The following ZNF679 variants were observed in gnomAD, a reference collection of about 807,000 sequenced individuals.
ZNF679 encodes the protein zinc finger protein 679, also known as hypothetical protein MGC42415.
In ZNF679, 10 loss-of-function variants were observed where a neutral mutation model predicts 13.4. The ratio of observed to expected loss-of-function variants is 0.75; its 90% CI spans 0.46 to 1.27. The LOEUF is 1.27. Ranked by LOEUF, ZNF679 falls within the 50% of genes most tolerant of loss-of-function variation. The pLI is 0.00. For synonymous variants in ZNF679, 179 were observed against 162.5 expected (o/e 1.10, Z -0.77); for missense variants, 525 against 477.8 (o/e 1.10, Z -0.92).
intron 1 of ZNF679, among the ~76,000 whole-genome samples, chr7:64,247,595 C>G (rs780149703): frequency 6.6e-6 from 1 of 152,164 alleles, no homozygotes; most frequent in Admixed American, 6.5e-5. Flanking sequence ...CGCTCTGTCA[C>G]CAGGCTATAT....
chr7:64,245,208 T>G (rs1787850695), intron 1 of ZNF679, among the ~76,000 whole-genome samples: 1 of 152,126 alleles, frequency 6.6e-6, no homozygotes, highest in Non-Finnish European at 1.5e-5. Context: ...GTATTTTTAG[T>G]AGAGACAAGG....
rs186816308 is a variant in ZNF679 at position 64,246,795 on chromosome 7, G to A, written c.-90-2233G>A. On this transcript the variant is annotated intron_variant, in intron 1 of 4. Transcript: ENST00000421025. ...GGAGGGAAGGAAGGAAGGAAGGGAG[G>A]GATTTTGGGCGAGTCTGCAGTGCAA... is the stretch of plus-strand genomic sequence containing the variant. Among the ~76,000 whole-genome samples the A allele has an allele frequency of 5.8e-4, 87 of 151,116 alleles. 1 individual carries two copies. In the South Asian group the frequency reaches 9.9e-3, roughly 17 times the overall value.
At chr7:64,248,204 C>T (rs1256709203) in intron 1 of ZNF679, among the ~76,000 whole-genome samples, 1 of 152,042 alleles carries the variant, frequency 6.6e-6, no homozygotes, top group Non-Finnish European at 1.5e-5. Flanking sequence ...CCCTTACTAT[C>T]ACAAGAACAG....
intron 1 of ZNF679, among the ~76,000 whole-genome samples, chr7:64,248,294 T>C (rs1484727645): frequency 6.6e-6 from 1 of 152,062 alleles, no homozygotes. Flanking sequence ...CAATTTTTTT[T>C]TTTTTTGAGA....
At chr7:64,248,069 TC>T (rs1230895800) in intron 1 of ZNF679, among the ~76,000 whole-genome samples, 1 of 152,004 alleles carries the variant, frequency 6.6e-6, no homozygotes, top group African/African-American at 2.4e-5. Context: ...GGCTGAGGAA[TC>T]CTCAGGAAAC....
At chr7:64,241,513 A>G (rs757289079) in intron 1 of ZNF679, among the ~76,000 whole-genome samples, 6 of 152,264 alleles carry the variant, frequency 3.9e-5, no homozygotes, top group Admixed American at 6.5e-5. Flanking sequence ...AAGGCAGTAC[A>G]GTTACATCAC....
chr7:64,240,675 A>T (rs1254978769), intron 1 of ZNF679, among the ~76,000 whole-genome samples: 1 of 152,212 alleles, frequency 6.6e-6, no homozygotes, highest in Admixed American at 6.5e-5. Context: ...TCATATGTAG[A>T]TGCAGCCACA....
At chr7:64,245,857 T>G (rs1399832339) in intron 1 of ZNF679, among the ~76,000 whole-genome samples, 4 of 152,026 alleles carry the variant, frequency 2.6e-5, no homozygotes, top group South Asian at 4.2e-4. Flanking sequence ...AGTACAAAAA[T>G]TATCTGGGTG....
intron 1 of ZNF679, among the ~76,000 whole-genome samples, chr7:64,240,066 A>G (rs968265565): frequency 7.2e-5 from 11 of 152,194 alleles, no homozygotes; most frequent in Admixed American, 4.6e-4. Context: ...CTCCCTGGTC[A>G]TGGAACTGTA....
At chr7:64,241,726 C>T (rs113627998) in intron 1 of ZNF679, among the ~76,000 whole-genome samples, 2,211 of 152,206 alleles carry the variant, frequency 0.015, 53 homozygotes, top group African/African-American at 0.05. Context: ...GGACCCAGGC[C>T]GAAAAAGAGA....
intron 4 of ZNF679, among the ~76,000 whole-genome samples, chr7:64,263,596 A>G (rs1788106024): frequency 6.6e-6 from 1 of 152,092 alleles, no homozygotes; most frequent in African/African-American, 2.4e-5. Flanking sequence ...ACTTGGTACA[A>G]TCCCCTTGGT....
chr7:64,234,281 G>C (rs1457014210), intron 1 of ZNF679, among the ~76,000 whole-genome samples: 1 of 152,172 alleles, frequency 6.6e-6, no homozygotes, highest in Non-Finnish European at 1.5e-5. Context: ...TAACAAATGT[G>C]TGCACTCAAA....
At chr7:64,258,541 A>C (rs780081491) in intron 2 of ZNF679, among the ~76,000 whole-genome samples, 1 of 151,982 alleles carries the variant, frequency 6.6e-6, no homozygotes, top group Non-Finnish European at 1.5e-5. Flanking sequence ...TCTCTATTAA[A>C]AATACAAAAA....
At chr7:64,255,721 G>A (rs1200930147) in intron 2 of ZNF679, among the ~76,000 whole-genome samples, 6 of 151,636 alleles carry the variant, frequency 4.0e-5, no homozygotes, top group Non-Finnish European at 8.8e-5. Context: ...AGACTCTCCC[G>A]CCTCAGCCTC....
At chr7:64,238,202 T>C (rs535015910) in intron 1 of ZNF679, among the ~76,000 whole-genome samples, 2 of 152,298 alleles carry the variant, frequency 1.3e-5, no homozygotes, top group East Asian at 3.9e-4. Context: ...CTCCTCTTCA[T>C]GTCCCTCCCA....
intron 2 of ZNF679, among the ~76,000 whole-genome samples, chr7:64,256,619 TTTC>T (rs374378899): frequency 5.9e-5 from 9 of 152,232 alleles, no homozygotes; most frequent in African/African-American, 1.7e-4. Flanking sequence ...ATTTGAATTA[TTTC>T]TTTTTTCTTC....
chr7:64,233,303 C>T (rs889498077), intron 1 of ZNF679, among the ~76,000 whole-genome samples: 18 of 149,592 alleles, frequency 1.2e-4, no homozygotes, highest in Admixed American at 8.0e-4. Context: ...CCAGCTTGGG[C>T]AACACGGGGA....
chr7:64,236,966 A>AAAGAAAGAAAGAAAGAAAG (rs1787730936), intron 1 of ZNF679, among the ~76,000 whole-genome samples: 1 of 23,730 alleles, frequency 4.2e-5, no homozygotes, highest in Non-Finnish European at 1.1e-4. Flanking sequence ...AGAAAGAAAG[A>AAAGAAAGAAAGAAAGAAAG]AAGAAAGAAA....
At chr7:64,232,803 G>A (rs1234852165) in intron 1 of ZNF679, among the ~76,000 whole-genome samples, 3 of 152,172 alleles carry the variant, frequency 2.0e-5, no homozygotes. Flanking sequence ...GCTAAAAGGG[G>A]AGAGTCACAT....
Sources: allele counts gnomAD v4.1 joint callset (sites outside exome capture counted in the v4.1 genomes callset), GRCh38; gene constraint gnomAD v4.1.1; transcripts MANE v1.5; gene names NCBI Gene and HGNC (gene_info 2026-07-23, HGNC 2026-07-21).